The following CHPT1 variants were observed in gnomAD, a reference collection of about 807,000 sequenced individuals.
CHPT1 encodes the protein cholinephosphotransferase 1.
A neutral mutation model predicts 47.6 loss-of-function variants in CHPT1; 36 were observed. The ratio of observed to expected loss-of-function variants is 0.76; its 90% CI spans 0.58 to 1.00. The LOEUF is 1.00. Among genes scored for constraint, CHPT1 ranks in the 50% least tolerant of loss-of-function variants. The pLI is 0.00. For synonymous variants in CHPT1, 194 were observed against 186.3 expected (o/e 1.04, Z -0.33); for missense variants, 458 against 498.1 (o/e 0.92, Z 0.77).
In CHPT1 at chr12:101,698,011, G is replaced by C; in HGVS notation, c.150G>C (p.Trp50Cys). Residue 50 changes from tryptophan (W) to cysteine (C), a missense_variant, in exon 1 of 9, where the codon TGG becomes TGC. Physicochemically the swap from Trp to Cys is radical, Grantham distance 215. Coordinates refer to ENST00000229266, the MANE Select transcript of CHPT1 (RefSeq NM_020244.3). ...SLLEPPLQLY[W>C]TWLLQWIPLW... ...TCGAGCCGCCGCTGCAGCTCTACTG[G>C]ACCTGGCTGCTCCAGTGGATCCCGC... 6.3e-7 allele frequency: 1 copy of C among 1,577,710 alleles called. No individual in the cohort carries two copies. Among genetic ancestry groups the C allele is most frequent in the Non-Finnish European group, 8.5e-7 (1 of 1,171,242 alleles).
chr12:101,700,691 C>A (rs1237517745), intron 1 of CHPT1, among the ~76,000 whole-genome samples: 1 of 150,112 alleles, frequency 6.7e-6, no homozygotes, highest in Non-Finnish European at 1.5e-5. Context: ...AGTGCTTTCA[C>A]ATCCATGGTT....
At chr12:101,727,341 T>C (rs760477364) in intron 8 of CHPT1, 5 of 152,154 alleles carry the variant, frequency 3.3e-5, no homozygotes, top group Non-Finnish European at 7.4e-5. Flanking sequence ...ATCTTTCCAC[T>C]CTAATTGAAA....
At position 101,713,187 on chromosome 12, in the gene CHPT1, C is replaced by T. The variant is rs1275092346; in HGVS notation, c.274-903C>T. On this transcript the variant is annotated intron_variant, in intron 1 of 8. Coordinates refer to ENST00000229266, the MANE Select transcript of CHPT1 (RefSeq NM_020244.3). ...CCCAATGCCCCAAGTATTAATGAGGCTTTCTGCTTTGCCTGGTGGGAACAT... is the reference window on the plus strand; with the variant it reads ...CCCAATGCCCCAAGTATTAATGAGGTTTTCTGCTTTGCCTGGTGGGAACAT... Among the ~76,000 whole-genome samples, 3 of 148,398 alleles carry T rather than the reference C, an allele frequency of 2.0e-5. 1 individual carries two copies. The highest frequency in any genetic ancestry group is 4.3e-4 in the South Asian group (2 of 4,658).
intron 1 of CHPT1, among the ~76,000 whole-genome samples, chr12:101,707,676 A>C (rs943622256): frequency 1.3e-5 from 2 of 152,184 alleles, no homozygotes; most frequent in Non-Finnish European, 2.9e-5. Context: ...GAAATATTTA[A>C]GGTGAGAAGG....
At chr12:101,711,373 A>T (rs1347593900) in intron 1 of CHPT1, among the ~76,000 whole-genome samples, 1 of 148,642 alleles carries the variant, frequency 6.7e-6, no homozygotes, top group Non-Finnish European at 1.5e-5. Flanking sequence ...CTTGCCATTT[A>T]CCACAACATG....
intron 3 of CHPT1, among the ~76,000 whole-genome samples, chr12:101,715,523 C>T (rs906298996): frequency 6.6e-6 from 1 of 152,282 alleles, no homozygotes; most frequent in South Asian, 2.1e-4. Context: ...GTACTAAGAG[C>T]TTCACAGGCA....
intron 1 of CHPT1, among the ~76,000 whole-genome samples, chr12:101,698,419 G>A (rs1951498381): frequency 6.6e-6 from 1 of 152,222 alleles, no homozygotes; most frequent in Admixed American, 6.5e-5. Flanking sequence ...GCCGCGGACG[G>A]GCCGGAGGGC....
At position 101,723,907 on chromosome 12, in the gene CHPT1, G is replaced by A. The variant is rs959344323; in HGVS notation, c.1065+60G>A. On this transcript the variant is annotated intron_variant, in intron 7 of 8. Transcript: ENST00000229266. ...CAATGCTTAAGAGCTATTTCAGTGA[G>A]CTATCAGTAGCCTCAAGATCTAGTC... The A allele has an allele frequency of 2.0e-5, 25 of 1,242,006 alleles. No individual in the cohort carries two copies. In the African/African-American group the frequency reaches 3.7e-4, roughly 18 times the overall value. 76.9% of individuals were successfully genotyped at this position (1,242,006 alleles called of 1,614,324 possible). A position where few individuals can be genotyped will look rare whatever the true frequency, so the allele number is the denominator to read the frequency against.
At position 101,697,894 on chromosome 12, in the gene CHPT1, G is replaced by T. The variant is rs754662604; in HGVS notation, c.33G>T (p.Pro11=). The T allele has an allele frequency of 8.7e-6, 11 of 1,260,648 alleles. No individual in the cohort carries two copies. The highest frequency in any genetic ancestry group is 1.1e-5 in the Non-Finnish European group (11 of 1,004,370). 78.1% of individuals were successfully genotyped at this position (1,260,648 alleles called of 1,614,324 possible). A position where few individuals can be genotyped will look rare whatever the true frequency, so the allele number is the denominator to read the frequency against. ...CAGGCGCCGGGGCCGGGTCCGCGCC[G>T]CGCTGGCTGAGGGCGCTGAGCGAGC... MAAGAGAGSA[P]RWLRALSEPL... The change falls in exon 1 of 9, where the codon CCG becomes CCT. Residue 11 remains proline (P), a synonymous_variant. Coordinates refer to ENST00000229266, the MANE Select transcript of CHPT1 (RefSeq NM_020244.3).
chr12:101,706,868 GC>G (rs1176433955), intron 1 of CHPT1, among the ~76,000 whole-genome samples: 12 of 152,186 alleles, frequency 7.9e-5, no homozygotes, highest in African/African-American at 2.9e-4. Flanking sequence ...AATTTGTTCT[GC>G]TACCTGTGAA....
intron 5 of CHPT1, among the ~76,000 whole-genome samples, chr12:101,721,643 C>G (rs888183662): frequency 6.6e-6 from 1 of 152,156 alleles, no homozygotes; most frequent in Non-Finnish European, 1.5e-5. Context: ...GTCAGTTGAT[C>G]TCAGTATAGT....
chr12:101,701,009 C>T (rs1187864616), intron 1 of CHPT1, among the ~76,000 whole-genome samples: 1 of 152,106 alleles, frequency 6.6e-6, no homozygotes, highest in Non-Finnish European at 1.5e-5. Context: ...CTCATATAGG[C>T]TTTAATACTG....
chr12:101,697,975 C>T lies in CHPT1; in HGVS notation c.114C>T (p.Gly38=). 2 of 1,508,462 alleles carry T rather than the reference C, an allele frequency of 1.3e-6. No individual in the cohort carries two copies. Among genetic ancestry groups the T allele is most frequent in the South Asian group, 1.3e-5 (1 of 79,472 alleles). 93.4% of individuals were successfully genotyped at this position (1,508,462 alleles called of 1,614,324 possible). ...AGGAGCACCGCTACAGCGCGGCGGG[C>T]GTCTCGCTGCTCGAGCCGCCGCTGC... is the stretch of plus-strand genomic sequence containing the variant. ...RLEEHRYSAA[G]VSLLEPPLQL... The change falls in exon 1 of 9, where the codon GGC becomes GGT. Residue 38 remains glycine (G), a synonymous_variant. Coordinates refer to ENST00000229266, the MANE Select transcript of CHPT1 (RefSeq NM_020244.3).
intron 6 of CHPT1, 78 bp downstream of exon 6, chr12:101,723,404 TG>T: frequency 1.1e-6 from 1 of 906,682 alleles, no homozygotes; most frequent in Non-Finnish European, 1.6e-6. Context: ...TTTCATAAAA[TG>T]TATAGGTTTT....
intron 8 of CHPT1, chr12:101,728,192 G>C (rs952492912): frequency 6.6e-6 from 1 of 152,418 alleles, no homozygotes; most frequent in Non-Finnish European, 1.5e-5. Flanking sequence ...GGAGGTTGCA[G>C]TGAGCTGAGA....
At chr12:101,716,862 G>A in intron 4 of CHPT1, 50 bp downstream of exon 4, 1 of 1,170,752 alleles carries the variant, frequency 8.5e-7, no homozygotes, top group Non-Finnish European at 1.2e-6. Context: ...AAATATTTAG[G>A]AAAAAGTATT....
rs1006125690 is a variant in CHPT1 at position 101,716,127 on chromosome 12, GGA to G, written c.564-593_564-592del. On this transcript the variant is annotated intron_variant, in intron 3 of 8. Coordinates refer to ENST00000229266, the MANE Select transcript of CHPT1 (RefSeq NM_020244.3). ...TCAGTGAGCCTATTCGTGGAGCATA[GGA>G]GAGAGAGTGACAGCTTCAGGGGAAT... 6.6e-5 allele frequency among the ~76,000 whole-genome samples: 10 copies of G among 152,246 alleles called. No homozygotes were observed. The South Asian group carries it at 1.0e-3, about 16-fold the overall frequency.
intron 7 of CHPT1, among the ~76,000 whole-genome samples, chr12:101,724,196 G>A (rs933225352): frequency 6.7e-6 from 1 of 149,464 alleles, no homozygotes; most frequent in African/African-American, 2.5e-5. Flanking sequence ...TCCAGCCTGG[G>A]TGACACAGCG....
intron 5 of CHPT1, among the ~76,000 whole-genome samples, chr12:101,720,687 C>T (rs913394243): frequency 1.3e-5 from 2 of 152,162 alleles, no homozygotes; most frequent in South Asian, 4.1e-4. Flanking sequence ...TTTAAAAGAA[C>T]TATTCTAATA....
Sources: allele counts gnomAD v4.1 joint callset (sites outside exome capture counted in the v4.1 genomes callset), GRCh38; gene constraint gnomAD v4.1.1; transcripts MANE v1.5; gene names NCBI Gene and HGNC (gene_info 2026-07-23, HGNC 2026-07-21).